Variants in NBPF3 observed in about 807,000 individuals in gnomAD.
The protein encoded by NBPF3 is NBPF member 3.
A neutral mutation model predicts 78.1 loss-of-function variants in NBPF3; 57 were observed. That is an observed-to-expected ratio of 0.73 (90% CI 0.59 to 0.91). NBPF3 has a LOEUF of 0.91. NBPF3 is among the 40% of genes least tolerant of loss of function. NBPF3 has a pLI of 0.00. For synonymous variants in NBPF3, 182 were observed against 271.7 expected (o/e 0.67, Z 3.25); for missense variants, 510 against 715.3 (o/e 0.71, Z 3.27).
At chr1:21,459,895 G>T in intron 2 of NBPF3, 1 of 216,824 alleles carries the variant, frequency 4.6e-6, no homozygotes. Context: ...CGCAGTGTCA[G>T]CCTATTCACG....
At chr1:21,469,048 G>A (rs1465832715) in intron 3 of NBPF3, 151 bp downstream of exon 3, 2 of 700,466 alleles carry the variant, frequency 2.9e-6, no homozygotes, top group Admixed American at 5.8e-5. Context: ...TGTTAAATTG[G>A]GAAGTCAGAG....
upstream of NBPF3, chr1:21,440,046 C>T (rs1459689439): frequency 6.6e-6 from 1 of 152,336 alleles, no homozygotes; most frequent in African/African-American, 2.4e-5. Context: ...CCCTTTAAGG[C>T]CCCGCCGCGC....
chr1:21,468,518 C>A (rs1424589712), intron 2 of NBPF3, 170 bp from the exon 3 acceptor site: 9 of 1,479,100 alleles, frequency 6.1e-6, no homozygotes, highest in Non-Finnish European at 8.1e-6. Context: ...AGCTCAGGCA[C>A]CTCGAACATT....
intron 1 of NBPF3, among the ~76,000 whole-genome samples, chr1:21,441,516 C>T (rs953433997): frequency 4.6e-5 from 7 of 151,816 alleles, no homozygotes; most frequent in African/African-American, 1.7e-4. Flanking sequence ...ACACTAGCCT[C>T]GGCAATGTGG....
intron 2 of NBPF3, among the ~76,000 whole-genome samples, chr1:21,445,774 C>T (rs1243500389): frequency 1.3e-5 from 2 of 152,170 alleles, no homozygotes; most frequent in South Asian, 2.1e-4. Flanking sequence ...GCCTTTCCCA[C>T]CTCCCATTCC....
chr1:21,456,812 T>C (rs1267611432), intron 2 of NBPF3, among the ~76,000 whole-genome samples: 1 of 152,212 alleles, frequency 6.6e-6, no homozygotes, highest in Non-Finnish European at 1.5e-5. Flanking sequence ...GATAAAAAAG[T>C]AGAATATCTG....
intron 7 of NBPF3, 150 bp downstream of exon 7, chr1:21,473,735 C>T: frequency 1.4e-6 from 1 of 728,684 alleles, no homozygotes; most frequent in Non-Finnish European, 2.3e-6. Context: ...TCCTTCTCAG[C>T]TCATGTCATG....
At chr1:21,475,876 A>T (rs1375319420) in intron 8 of NBPF3, among the ~76,000 whole-genome samples, 1 of 152,154 alleles carries the variant, frequency 6.6e-6, no homozygotes, top group African/African-American at 2.4e-5. Context: ...GTGGGGTGTT[A>T]AAGTCCCCCA....
At chr1:21,479,319 G>A in intron 9 of NBPF3, 30 bp from the exon 10 acceptor site, 1 of 1,607,520 alleles carries the variant, frequency 6.2e-7, no homozygotes, top group Non-Finnish European at 8.5e-7. Context: ...ACTGCTTCAT[G>A]TAAGAGGCCC....
At chr1:21,450,991 AG>A (rs1641275415) in intron 2 of NBPF3, among the ~76,000 whole-genome samples, 2 of 152,266 alleles carry the variant, frequency 1.3e-5, no homozygotes, top group Admixed American at 1.3e-4. Context: ...TTTCTTAATT[AG>A]GATCGACAGC....
At chr1:21,472,367 C>T (rs538611141) in intron 5 of NBPF3, among the ~76,000 whole-genome samples, 5 of 152,210 alleles carry the variant, frequency 3.3e-5, no homozygotes, top group Non-Finnish European at 7.3e-5. Context: ...TACTGGAGCA[C>T]TCTTCATGGA....
intron 2 of NBPF3, among the ~76,000 whole-genome samples, chr1:21,451,227 T>C (rs1641292892): frequency 6.6e-6 from 1 of 152,258 alleles, no homozygotes; most frequent in Non-Finnish European, 1.5e-5. Flanking sequence ...CATTCTTGTA[T>C]TGACAGATAC....
intron 8 of NBPF3, 142 bp downstream of exon 8, chr1:21,475,093 T>A: frequency 1.4e-6 from 1 of 723,028 alleles, no homozygotes; most frequent in Non-Finnish European, 2.3e-6. Flanking sequence ...TGTTGTACAT[T>A]ATTTGTGGCC....
chr1:21,469,848 A>G (rs1642488402), intron 3 of NBPF3, among the ~76,000 whole-genome samples: 2 of 152,170 alleles, frequency 1.3e-5, no homozygotes, highest in Admixed American at 6.5e-5. Flanking sequence ...TGTGCAGACC[A>G]GGGACTCTGG....
chr1:21,465,004 C>CAAAAAAAAAAAAAAAAAA (rs10531760), intron 2 of NBPF3, among the ~76,000 whole-genome samples: 1 of 99,278 alleles, frequency 1.0e-5, no homozygotes, highest in African/African-American at 4.2e-5. Flanking sequence ...GACCCTGTCT[C>CAAAAAAAAAAAAAAAAAA]AAAAAAAAAA....
At chr1:21,444,404 A>G (rs984499667) in intron 1 of NBPF3, among the ~76,000 whole-genome samples, 1 of 152,286 alleles carries the variant, frequency 6.6e-6, no homozygotes, top group African/African-American at 2.4e-5. Flanking sequence ...CAGCTAGACC[A>G]GTAGATGAGA....
At chr1:21,446,446 T>TTTCCCTTCCTTCCTTCC (rs1640975084) in intron 2 of NBPF3, 1 of 104,744 alleles carries the variant, frequency 9.5e-6, no homozygotes, top group Non-Finnish European at 2.0e-5. Flanking sequence ...AATTTGTTCA[T>TTTCCCTTCCTTCCTTCC]TTCCTTCCTT....
upstream of NBPF3, chr1:21,440,127 AGG>A (rs1640529973): frequency 6.6e-6 from 1 of 152,276 alleles, no homozygotes; most frequent in Non-Finnish European, 1.5e-5. Context: ...GCGCAGGCGC[AGG>A]CGCAGGCACA....
rs1422194598 is a variant in NBPF3 at position 21,467,016 on chromosome 1, G to A, written c.134-1672G>A. On this transcript the variant is annotated intron_variant, in intron 2 of 14. Transcript: ENST00000318249. ...GGCAGTGCTGAAAACTCACCCCTGTGTGACCTCAAGTAAGCCACGTAACTC... is the reference window on the plus strand; with the variant it reads ...GGCAGTGCTGAAAACTCACCCCTGTATGACCTCAAGTAAGCCACGTAACTC... 10 of 984,802 alleles carry A rather than the reference G, an allele frequency of 1.0e-5. No individual in the cohort carries two copies. The East Asian group carries it at 9.1e-4, about 89-fold the overall frequency. The allele number at this position is 984,802 out of a possible 1,614,324, so 61.0% of individuals were successfully genotyped here.
Sources: gnomAD v4.1 joint callset for allele counts (sites outside exome capture counted in the v4.1 genomes callset) on GRCh38, gnomAD v4.1.1 for gene constraint, MANE v1.5 for transcripts, NCBI Gene and HGNC (gene_info 2026-07-23, HGNC 2026-07-21) for gene names.